The following EEFSEC variants were observed in gnomAD, a reference collection of about 807,000 sequenced individuals.
EEFSEC encodes the protein eukaryotic elongation factor, selenocysteine-tRNA specific.
A neutral mutation model predicts 42.1 loss-of-function variants in EEFSEC; 43 were observed. That is an observed-to-expected ratio of 1.02 (90% confidence interval 0.80 to 1.32). EEFSEC has a LOEUF of 1.32. Among genes scored for constraint, EEFSEC ranks in the 40% most tolerant of loss-of-function variants. EEFSEC has a pLI of 0.00. For synonymous variants in EEFSEC, 354 were observed against 339.1 expected, an observed-to-expected ratio of 1.04 and a Z score of -0.48; for missense variants, 745 against 803.6, an observed-to-expected ratio of 0.93 and a Z score of 0.88.
At chr3:128,157,155 C>T (rs1379804696) in intron 1 of EEFSEC, among the ~76,000 whole-genome samples, 3 of 152,186 alleles carry the variant, frequency 2.0e-5, no homozygotes, top group African/African-American at 2.4e-5. Flanking sequence ...TACCACATTC[C>T]CTTAAGTGGA....
At chr3:128,219,692 ACTCCATGAGG>A (rs1332626496) in intron 1 of EEFSEC, among the ~76,000 whole-genome samples, 1 of 151,856 alleles carries the variant, frequency 6.6e-6, no homozygotes, top group African/African-American at 2.4e-5. Context: ...TAGAATGTAA[ACTCCATGAGG>A]ACAGGGACCT....
intron 4 of EEFSEC, among the ~76,000 whole-genome samples, chr3:128,318,943 G>C (rs1305279680): frequency 1.3e-5 from 2 of 152,214 alleles, no homozygotes; most frequent in Admixed American, 1.3e-4. Context: ...TGAAGACTCA[G>C]AGGCCCAGAG....
chr3:128,347,236 G>A (rs866232870), intron 5 of EEFSEC, among the ~76,000 whole-genome samples: 2 of 151,870 alleles, frequency 1.3e-5, no homozygotes, highest in African/African-American at 2.4e-5. Context: ...CTATAAGAGT[G>A]TGACTTGTAA....
At chr3:128,156,275 T>C (rs1219623875) in intron 1 of EEFSEC, among the ~76,000 whole-genome samples, 2 of 152,320 alleles carry the variant, frequency 1.3e-5, no homozygotes, top group East Asian at 3.9e-4. Context: ...ATTTGCTGCT[T>C]ACCAGGCAAA....
intron 1 of EEFSEC, among the ~76,000 whole-genome samples, chr3:128,216,493 A>T (rs1311730606): frequency 6.6e-6 from 1 of 152,082 alleles, no homozygotes; most frequent in African/African-American, 2.4e-5. Flanking sequence ...GGCTCTCCAT[A>T]CCAGACAGCC....
intron 4 of EEFSEC, chr3:128,336,905 G>C (rs2067195752): frequency 6.6e-6 from 1 of 152,210 alleles, no homozygotes; most frequent in African/African-American, 2.4e-5. Context: ...GCATTCCAGA[G>C]CCTGGGCCTG....
chr3:128,181,837 G>A (rs969028206), intron 1 of EEFSEC, among the ~76,000 whole-genome samples: 7 of 152,134 alleles, frequency 4.6e-5, no homozygotes, highest in Admixed American at 4.6e-4. Flanking sequence ...TTTTTGATAC[G>A]AAGTCTCGCT....
At position 128,262,152 on chromosome 3, in the gene EEFSEC, C is replaced by T. The variant is rs61740550; in HGVS notation, c.549C>T (p.Pro183=). 0.025 allele frequency: 39,934 copies of T among 1,613,994 alleles called. 603 individuals are homozygous for T. The highest frequency in any genetic ancestry group is 0.03 in the Non-Finnish European group (34,885 of 1,179,932). ...NTKFRGAPII[P]VAAKPGGPEA... is the part of the protein sequence containing the mutation. ...GGTTCCGAGGTGCACCGATTATACCCGTGGCGGCCAAGCCGGGGGGACCAG... is the reference window on the plus strand; with the variant it reads ...GGTTCCGAGGTGCACCGATTATACCTGTGGCGGCCAAGCCGGGGGGACCAG... The change falls in exon 3 of 7, where the codon CCC becomes CCT. Residue 183 remains proline (P), a synonymous_variant. Transcript: ENST00000254730.
downstream of EEFSEC, among the ~76,000 whole-genome samples, chr3:128,411,691 C>T (rs991050004): frequency 6.6e-6 from 1 of 152,160 alleles, no homozygotes; most frequent in Non-Finnish European, 1.5e-5. Context: ...GGCTAATGCA[C>T]AAACGAAGAG....
intron 4 of EEFSEC, among the ~76,000 whole-genome samples, chr3:128,313,740 T>C (rs1475123493): frequency 6.6e-6 from 1 of 152,258 alleles, no homozygotes; most frequent in African/African-American, 2.4e-5. Flanking sequence ...AGGCCCCTCA[T>C]GTGGACATAT....
At chr3:128,271,294 G>A (rs556840847) in intron 4 of EEFSEC, among the ~76,000 whole-genome samples, 3 of 152,340 alleles carry the variant, frequency 2.0e-5, no homozygotes, top group Admixed American at 6.5e-5. Context: ...TCAGGTGCCC[G>A]AGGCTGCAGA....
intron 1 of EEFSEC, among the ~76,000 whole-genome samples, chr3:128,240,255 G>A (rs1018560624): frequency 2.6e-5 from 4 of 152,210 alleles, no homozygotes; most frequent in Admixed American, 2.0e-4. Context: ...GAGTGATGGG[G>A]CCCAGGTTCA....
At chr3:128,232,885 C>T (rs187738890) in intron 1 of EEFSEC, among the ~76,000 whole-genome samples, 33 of 152,334 alleles carry the variant, frequency 2.2e-4, no homozygotes, top group Admixed American at 9.1e-4. Flanking sequence ...AAGCAGCCAT[C>T]ACCCCCCGGA....
chr3:128,224,720 G>T (rs777382635), intron 1 of EEFSEC, among the ~76,000 whole-genome samples: 32 of 152,118 alleles, frequency 2.1e-4, no homozygotes, highest in Non-Finnish European at 4.3e-4. Flanking sequence ...ATTTTCTTGC[G>T]TAAATCAATG....
At chr3:128,229,953 C>CTTTCCTTTCCT (rs374652465) in intron 1 of EEFSEC, among the ~76,000 whole-genome samples, 11 of 151,892 alleles carry the variant, frequency 7.2e-5, no homozygotes, top group East Asian at 1.9e-4. Flanking sequence ...GGAGGGTTTC[C>CTTTCCTTTCCT]TTTCCTTTCC....
chr3:128,222,364 A>T (rs761147708), intron 1 of EEFSEC, among the ~76,000 whole-genome samples: 1 of 152,180 alleles, frequency 6.6e-6, no homozygotes, highest in African/African-American at 2.4e-5. Flanking sequence ...AGAAGTACTC[A>T]TGTATGTTGA....
At chr3:128,273,397 G>A (rs1559896571) in intron 4 of EEFSEC, among the ~76,000 whole-genome samples, 1 of 150,518 alleles carries the variant, frequency 6.6e-6, no homozygotes, top group East Asian at 1.9e-4. Context: ...TGCAGGTGCT[G>A]TTGTCAGAGA....
chr3:128,274,140 C>G (rs1036838980), intron 4 of EEFSEC, among the ~76,000 whole-genome samples: 6 of 152,212 alleles, frequency 3.9e-5, no homozygotes, highest in Non-Finnish European at 8.8e-5. Flanking sequence ...ATACCCTGCC[C>G]TTTCCAGCTG....
At chr3:128,183,861 G>A (rs1455694926) in intron 1 of EEFSEC, among the ~76,000 whole-genome samples, 1 of 152,142 alleles carries the variant, frequency 6.6e-6, no homozygotes, top group Non-Finnish European at 1.5e-5. Flanking sequence ...GTGATGTTCT[G>A]GAGTATTAAA....
Sources: allele counts gnomAD v4.1 joint callset (sites outside exome capture counted in the v4.1 genomes callset), GRCh38; gene constraint gnomAD v4.1.1; transcripts MANE v1.5; gene names NCBI Gene and HGNC (gene_info 2026-07-23, HGNC 2026-07-21).